The following CDA variants were observed in gnomAD, a reference collection of about 807,000 sequenced individuals.
CDA encodes the protein cytidine aminohydrolase.
CDA carries 7 observed loss-of-function variants against 15.0 expected under a neutral mutation model. The ratio of observed to expected loss-of-function variants is 0.47; its 90% CI spans 0.26 to 0.87. CDA has a LOEUF of 0.87. CDA is among the 40% of genes least tolerant of loss of function. The pLI is 0.15. For synonymous variants in CDA, 58 were observed against 73.0 expected (o/e 0.79, Z 1.05); for missense variants, 159 against 182.7 (o/e 0.87, Z 0.75).
chr1:20,592,369 A>G (rs61781231), intron 1 of CDA, among the ~76,000 whole-genome samples: 16,931 of 152,168 alleles, frequency 0.11, 1,040 homozygotes, highest in African/African-American at 0.15. Flanking sequence ...CGTAATAAGA[A>G]GGTCACAAAT....
intron 1 of CDA, among the ~76,000 whole-genome samples, chr1:20,603,444 T>A (rs2052665482): frequency 6.6e-6 from 1 of 152,092 alleles, no homozygotes; most frequent in African/African-American, 2.4e-5. Flanking sequence ...TCCCACCCCA[T>A]CACCTCCACC....
chr1:20,609,546 C>T (rs1360342914), intron 2 of CDA, among the ~76,000 whole-genome samples: 1 of 152,170 alleles, frequency 6.6e-6, no homozygotes, highest in East Asian at 1.9e-4. Flanking sequence ...CACACAGGGC[C>T]TTACAGGCCA....
chr1:20,594,727 T>A (rs1273390556), intron 1 of CDA, among the ~76,000 whole-genome samples: 2 of 143,570 alleles, frequency 1.4e-5, no homozygotes, highest in African/African-American at 5.2e-5. Context: ...AGGTGGAGGT[T>A]GCAGTGAGCC....
At chr1:20,590,220 G>A (rs1280494173) in intron 1 of CDA, among the ~76,000 whole-genome samples, 1 of 152,164 alleles carries the variant, frequency 6.6e-6, no homozygotes, top group Non-Finnish European at 1.5e-5. Flanking sequence ...GTGAAAGGAA[G>A]GTGATTAATG....
intron 1 of CDA, among the ~76,000 whole-genome samples, chr1:20,589,728 CTT>C (rs960070402): frequency 1.3e-5 from 2 of 152,196 alleles, no homozygotes; most frequent in African/African-American, 4.8e-5. Context: ...GGTGACATGA[CTT>C]GCCCAAGGTC....
In CDA at chr1:20,618,742, G is replaced by C; in HGVS notation, c.*174G>C. 1 of 630,060 alleles carries C rather than the reference G, an allele frequency of 1.6e-6. No individual in the cohort carries two copies. Among genetic ancestry groups the C allele is most frequent in the African/African-American group, 1.9e-5 (1 of 53,412 alleles). 39.0% of individuals were successfully genotyped at this position (630,060 alleles called of 1,614,324 possible). A position where few individuals can be genotyped will look rare whatever the true frequency, so the allele number is the denominator to read the frequency against. Reference sequence around the variant, plus strand: ...GCACCCCTCCTAGCAACCTGCCTTGGGACTTAGAACACCGCCGCCCCCTGC... The same window carrying C: ...GCACCCCTCCTAGCAACCTGCCTTGCGACTTAGAACACCGCCGCCCCCTGC... On this transcript the variant is annotated 3_prime_UTR_variant, in exon 4 of 4. Coordinates refer to ENST00000375071, the MANE Select transcript of CDA (RefSeq NM_001785.3).
Position 20,605,057 on chromosome 1 carries a change from G to A in CDA, c.266+18G>A, listed in dbSNP as rs560055424. 2.8e-6 allele frequency: 4 copies of A among 1,439,898 alleles called. No individual in the cohort carries two copies. The highest frequency in any genetic ancestry group is 2.8e-5 in the African/African-American group (2 of 71,622). 89.2% of individuals were successfully genotyped at this position (1,439,898 alleles called of 1,614,324 possible). A position where few individuals can be genotyped will look rare whatever the true frequency, so the allele number is the denominator to read the frequency against. On this transcript the variant is annotated intron_variant, in intron 2 of 3. Coordinates refer to ENST00000375071, the MANE Select transcript of CDA (RefSeq NM_001785.3). ...ATCGCCAGGTGAGTGGGAAAGCCAGGTTGCAACAATATTCATTCATCTCTT... is the reference window on the plus strand; with the variant it reads ...ATCGCCAGGTGAGTGGGAAAGCCAGATTGCAACAATATTCATTCATCTCTT...
At chr1:20,617,682 T>G (rs1179678280) in intron 3 of CDA, among the ~76,000 whole-genome samples, 1 of 147,856 alleles carries the variant, frequency 6.8e-6, no homozygotes, top group Non-Finnish European at 1.5e-5. Flanking sequence ...TAAACCTCCT[T>G]TTTTATTTTA....
chr1:20,599,317 T>C lies in CDA; in HGVS notation c.155-5611T>C, dbSNP rs142942324. Among the ~76,000 whole-genome samples the C allele has an allele frequency of 1.2e-4, 18 of 152,240 alleles. No homozygotes were observed. The East Asian group carries it at 3.5e-3, about 29-fold the overall frequency. On this transcript the variant is annotated intron_variant, in intron 1 of 3. Transcript: ENST00000375071. ...TGGCACCAGATCACATATGACCTTG[T>C]AGTCATAAGAAGGATTTCAGGCCAG...
At chr1:20,600,959 G>A (rs948317886) in intron 1 of CDA, among the ~76,000 whole-genome samples, 1 of 152,044 alleles carries the variant, frequency 6.6e-6, no homozygotes, top group Admixed American at 6.6e-5. Flanking sequence ...AGCTCTCAGG[G>A]TTGCAACTTC....
chr1:20,602,110 G>A (rs1164868395), intron 1 of CDA, among the ~76,000 whole-genome samples: 2 of 131,748 alleles, frequency 1.5e-5, no homozygotes, highest in African/African-American at 5.5e-5. Context: ...AACAGAGTAA[G>A]ATCCTGTCAA....
At chr1:20,597,757 G>C (rs150531994) in intron 1 of CDA, among the ~76,000 whole-genome samples, 4 of 152,304 alleles carry the variant, frequency 2.6e-5, no homozygotes, top group African/African-American at 9.6e-5. Context: ...AGTAAGCAAA[G>C]GCAATAGCAG....
chr1:20,614,216 T>C (rs1023316462), intron 3 of CDA, among the ~76,000 whole-genome samples: 1 of 151,632 alleles, frequency 6.6e-6, no homozygotes, highest in African/African-American at 2.4e-5. Context: ...AGACAGATGA[T>C]AAACAAGGAG....
At chr1:20,613,993 G>A (rs2154532852) in intron 3 of CDA, 94 bp downstream of exon 3, 1 of 1,159,244 alleles carries the variant, frequency 8.6e-7, no homozygotes, top group East Asian at 2.4e-5. Context: ...AGGCATGGCA[G>A]GCGTGGAGAC....
chr1:20,602,149 AGGAGGGGAGG>A (rs545704920), intron 1 of CDA, among the ~76,000 whole-genome samples: 15 of 71,906 alleles, frequency 2.1e-4, no homozygotes, highest in South Asian at 1.1e-3. Context: ...AGGAGGAGAA[AGGAGGGGAGG>A]GGAGGGGAGG....
At chr1:20,610,878 A>G (rs550376156) in intron 2 of CDA, among the ~76,000 whole-genome samples, 239 of 152,308 alleles carry the variant, frequency 1.6e-3, no homozygotes, top group African/African-American at 5.6e-3. Flanking sequence ...TGAGACTTGG[A>G]TGAGTTAAAA....
intron 1 of CDA, among the ~76,000 whole-genome samples, chr1:20,600,465 AT>A (rs1182234203): frequency 6.6e-6 from 1 of 151,854 alleles, no homozygotes; most frequent in Non-Finnish European, 1.5e-5. Context: ...AAAGAAAGTC[AT>A]TTTCAGGGGC....
At chr1:20,595,096 A>C (rs1300994304) in intron 1 of CDA, among the ~76,000 whole-genome samples, 1 of 152,098 alleles carries the variant, frequency 6.6e-6, no homozygotes, top group Non-Finnish European at 1.5e-5. Context: ...TGCTGGCACA[A>C]CCCAAGGGAT....
At chr1:20,610,092 T>G (rs1217174725) in intron 2 of CDA, among the ~76,000 whole-genome samples, 1 of 152,096 alleles carries the variant, frequency 6.6e-6, no homozygotes, top group East Asian at 1.9e-4. Flanking sequence ...CTCCCCTCAC[T>G]AGTCTATAAA....
Sources: allele counts gnomAD v4.1 joint callset (sites outside exome capture counted in the v4.1 genomes callset), GRCh38; gene constraint gnomAD v4.1.1; transcripts MANE v1.5; gene names NCBI Gene and HGNC (gene_info 2026-07-23, HGNC 2026-07-21).